PLCB1: variants seen among roughly 807,000 people sequenced by gnomAD.
The protein encoded by PLCB1 is 1-phosphatidylinositol 4,5-bisphosphate phosphodiesterase beta-1.
PLCB1 carries 46 observed loss-of-function variants against 161.8 expected under a neutral mutation model. That is an observed-to-expected ratio of 0.28 (90% CI 0.22 to 0.36). The LOEUF (loss-of-function observed/expected upper bound fraction) is 0.36. Ranked by LOEUF, PLCB1 falls within the 10% of genes least tolerant of loss-of-function variation. The pLI, the probability that PLCB1 is intolerant of heterozygous loss-of-function variation, is 1.00. For missense variants in PLCB1, 1,016 were observed against 1,472.5 expected (o/e 0.69, Z 5.07); for synonymous variants, 517 against 503.7 (o/e 1.03, Z -0.35).
At chr20:8,177,539 T>C (rs541148028) in intron 2 of PLCB1, among the ~76,000 whole-genome samples, 43 of 152,212 alleles carry the variant, frequency 2.8e-4, no homozygotes, top group African/African-American at 9.4e-4. Flanking sequence ...AGGCTGCTAC[T>C]CCCTCCTATA....
chr20:8,348,800 GC>G (rs1430119438), intron 2 of PLCB1, among the ~76,000 whole-genome samples: 3 of 152,122 alleles, frequency 2.0e-5, no homozygotes, highest in Non-Finnish European at 4.4e-5. Flanking sequence ...CTCATATTTA[GC>G]AGTTGGTTTT....
At chr20:8,166,076 A>G (rs1037971286) in intron 2 of PLCB1, among the ~76,000 whole-genome samples, 3 of 152,134 alleles carry the variant, frequency 2.0e-5, no homozygotes, top group Admixed American at 6.6e-5. Context: ...TAAACATGAC[A>G]TGCTTACCCA....
At chr20:8,802,858 G>A (rs1984349454) in intron 31 of PLCB1, among the ~76,000 whole-genome samples, 1 of 152,096 alleles carries the variant, frequency 6.6e-6, no homozygotes, top group African/African-American at 2.4e-5. Context: ...GATGCATCAC[G>A]AAAACTATTA....
intron 3 of PLCB1, among the ~76,000 whole-genome samples, chr20:8,426,659 G>A (rs1301012444): frequency 6.6e-6 from 1 of 152,068 alleles, no homozygotes; most frequent in African/African-American, 2.4e-5. Context: ...TGGTATTGGG[G>A]TTCTTTGTTA....
chr20:8,234,383 G>A (rs1980219228), intron 2 of PLCB1, among the ~76,000 whole-genome samples: 1 of 152,086 alleles, frequency 6.6e-6, no homozygotes, highest in Non-Finnish European at 1.5e-5. Context: ...GTGTATGATT[G>A]TCAAATTTGG....
In PLCB1 at chr20:8,136,613, A is replaced by G. The variant is rs540235711; in HGVS notation, c.99+3863A>G. ...TGCACTCCAGCCTGGGCGACAGAGC[A>G]AGACTCTGTCTCAAAAAAAAAAAAA... On this transcript the variant is annotated intron_variant, in intron 1 of 31. Coordinates refer to ENST00000338037, the MANE Select transcript of PLCB1 (RefSeq NM_015192.4). Among the ~76,000 whole-genome samples the G allele has an allele frequency of 3.6e-3, 527 of 145,492 alleles. 5 individuals are homozygous for G. The highest frequency in any genetic ancestry group is 5.2e-3 in the Non-Finnish European group (350 of 67,056).
chr20:8,838,752 C>T (rs972035360), intron 31 of PLCB1, among the ~76,000 whole-genome samples: 31 of 17,878 alleles, frequency 1.7e-3, no homozygotes, highest in Non-Finnish European at 9.7e-3. Context: ...ATTCAACTTA[C>T]TTGACGTGCA....
intron 2 of PLCB1, among the ~76,000 whole-genome samples, chr20:8,201,973 T>G (rs1377552364): frequency 6.6e-6 from 1 of 152,212 alleles, no homozygotes. Flanking sequence ...AATAGAGATG[T>G]CAGAATGAAA....
At chr20:8,392,645 G>T (rs1987643161) in intron 3 of PLCB1, among the ~76,000 whole-genome samples, 1 of 152,152 alleles carries the variant, frequency 6.6e-6, no homozygotes, top group Non-Finnish European at 1.5e-5. Flanking sequence ...CTCTCAAATG[G>T]ATTTGCCAGC....
intron 3 of PLCB1, among the ~76,000 whole-genome samples, chr20:8,505,151 C>A (rs1243415561): frequency 6.6e-6 from 1 of 152,180 alleles, no homozygotes; most frequent in Non-Finnish European, 1.5e-5. Flanking sequence ...ATGTGTGAGC[C>A]CCTGTACCTA....
chr20:8,345,578 T>G (rs1985974381), intron 2 of PLCB1, among the ~76,000 whole-genome samples: 1 of 152,140 alleles, frequency 6.6e-6, no homozygotes, highest in Admixed American at 6.6e-5. Flanking sequence ...CTGGGCATTG[T>G]AGGATGTTCA....
rs151031209 is a variant in PLCB1, at chr20:8,879,100, G to T, written c.3424-2522G>T. 7.7e-3 allele frequency among the ~76,000 whole-genome samples: 1,172 copies of T among 152,132 alleles called. 11 individuals carry two copies. Among genetic ancestry groups the T allele is most frequent in the African/African-American group, 0.027 (1,110 of 41,496 alleles). On this transcript the variant is annotated intron_variant, in intron 31 of 31. Transcript: ENST00000338037. ...CTACATTAATTTGCTTAGGATAATG[G>T]CCTCCAGCTGCATCCATGTTGCTGC...
intron 3 of PLCB1, among the ~76,000 whole-genome samples, chr20:8,600,390 G>A (rs200204150): frequency 0.018 from 2,326 of 128,802 alleles, 60 homozygotes; most frequent in East Asian, 0.17. Flanking sequence ...CTGCTGGGGG[G>A]TGCCTCCCAG....
At chr20:8,435,260 G>A (rs1216254935) in intron 3 of PLCB1, among the ~76,000 whole-genome samples, 3 of 149,548 alleles carry the variant, frequency 2.0e-5, no homozygotes, top group East Asian at 4.0e-4. Context: ...CTAATTCTGA[G>A]ATGGCCTTCA....
At chr20:8,140,579 G>T (rs184423463) in intron 1 of PLCB1, among the ~76,000 whole-genome samples, 24 of 150,248 alleles carry the variant, frequency 1.6e-4, no homozygotes, top group Non-Finnish European at 1.9e-4. Context: ...AGACCACCTC[G>T]GGTGGTAGGA....
rs146859336 is a variant in PLCB1 at position 8,391,763 on chromosome 20, G to GTA, written c.246+20327_246+20328dup. On this transcript the variant is annotated intron_variant, in intron 3 of 31. Transcript: ENST00000338037. ...TTCTGTGAGACTGGTAAATAATGAAGTATATATATATATATGTGTGTGTAT... is the reference window on the plus strand; with the variant it reads ...TTCTGTGAGACTGGTAAATAATGAAGTATATATATATATATATGTGTGTGTAT... Among the ~76,000 whole-genome samples the GTA allele has an allele frequency of 5.5e-3, 671 of 122,460 alleles. 24 individuals are homozygous for GTA. In the East Asian group the frequency reaches 0.1, roughly 18 times the overall value. 80.3% of individuals were successfully genotyped at this position (122,460 alleles called of 152,430 possible). A position where few individuals can be genotyped will look rare whatever the true frequency, so the allele number is the denominator to read the frequency against.
chr20:8,179,796 G>A (rs1025351083), intron 2 of PLCB1, among the ~76,000 whole-genome samples: 2 of 149,552 alleles, frequency 1.3e-5, no homozygotes, highest in Admixed American at 1.3e-4. Context: ...TTTCATAGAT[G>A]GCTCTTATTA....
At chr20:8,736,791 C>T (rs1369664034) in intron 19 of PLCB1, among the ~76,000 whole-genome samples, 1 of 152,142 alleles carries the variant, frequency 6.6e-6, no homozygotes, top group African/African-American at 2.4e-5. Flanking sequence ...AATCACCCTC[C>T]CCAAATATGT....
intron 3 of PLCB1, among the ~76,000 whole-genome samples, chr20:8,616,195 C>G (rs1290772978): frequency 6.6e-6 from 1 of 152,176 alleles, no homozygotes; most frequent in East Asian, 1.9e-4. Flanking sequence ...TGCTTGAGGG[C>G]TTAGAATGCC....
Sources: gnomAD v4.1 joint callset for allele counts (sites outside exome capture counted in the v4.1 genomes callset) on GRCh38, gnomAD v4.1.1 for gene constraint, MANE v1.5 for transcripts, NCBI Gene and HGNC (gene_info 2026-07-23, HGNC 2026-07-21) for gene names.